WDR17: variants seen among roughly 807,000 people sequenced by gnomAD.
The protein encoded by WDR17 is WD repeat domain 17.
WDR17 carries 143 observed loss-of-function variants against 161.7 expected under a neutral mutation model. The observed-to-expected ratio is 0.88, with a 90% CI of 0.77 to 1.02. The LOEUF is 1.02. Ranked by LOEUF, WDR17 falls within the 50% of genes least tolerant of loss-of-function variation. The pLI is 0.00. For synonymous variants in WDR17, 517 were observed against 515.6 expected (o/e 1.00, Z -0.04); for missense variants, 1,469 against 1,520.9 (o/e 0.97, Z 0.57).
At chr4:176,116,646 A>C (rs1579091424) in intron 3 of WDR17, among the ~76,000 whole-genome samples, 1 of 151,862 alleles carries the variant, frequency 6.6e-6, no homozygotes, top group East Asian at 1.9e-4. Flanking sequence ...TATGTTTTTC[A>C]ATTCAGCTTC....
chr4:176,168,916 A>G (rs1002286597), intron 23 of WDR17, 133 bp downstream of exon 23: 6 of 929,388 alleles, frequency 6.5e-6, no homozygotes, highest in African/African-American at 5.0e-5. Flanking sequence ...AAGTACAACA[A>G]AAGTGTTGTA....
At chr4:176,087,489 A>C (rs1164281021) in intron 1 of WDR17, among the ~76,000 whole-genome samples, 4 of 152,086 alleles carry the variant, frequency 2.6e-5, no homozygotes, top group African/African-American at 9.7e-5. Context: ...TATCGCTTTA[A>C]CTTACCCTGC....
Position 176,135,753 on chromosome 4 carries a change from A to T in WDR17, c.1267+477A>T, listed in dbSNP as rs188654205. Among the ~76,000 whole-genome samples the T allele has an allele frequency of 9.4e-3, 1,428 of 151,674 alleles. 9 individuals are homozygous for T. The highest frequency in any genetic ancestry group is 0.016 in the Non-Finnish European group (1,113 of 67,532). Reference sequence around the variant, plus strand: ...TATCTCTGATCTTAGATGCCACCTTATACCTTGCTGTACATATAAAGGAGA... The same window carrying T: ...TATCTCTGATCTTAGATGCCACCTTTTACCTTGCTGTACATATAAAGGAGA... On this transcript the variant is annotated intron_variant, in intron 8 of 28. Coordinates refer to ENST00000508596, the MANE Select transcript of WDR17 (RefSeq NM_181265.4).
chr4:176,140,225 A>G (rs1745035832), intron 10 of WDR17, among the ~76,000 whole-genome samples: 2 of 152,114 alleles, frequency 1.3e-5, no homozygotes, highest in South Asian at 2.1e-4. Context: ...TACTTGAATT[A>G]TTATGAAAAG....
At position 176,130,762 on chromosome 4, in the gene WDR17, A is replaced by AT. The variant is rs1408974042; in HGVS notation, c.914-792_914-791insT. ...TCCGTCTCAAAAAAAAAAAAAAAAA[A>AT]ACTGAGAAATATTTTCCATATTCCA... On this transcript the variant is annotated intron_variant, in intron 6 of 28. Coordinates refer to ENST00000508596, the MANE Select transcript of WDR17 (RefSeq NM_181265.4). Among the ~76,000 whole-genome samples the AT allele has an allele frequency of 4.8e-3, 717 of 150,904 alleles. 7 individuals are homozygous for AT. Among genetic ancestry groups the AT allele is most frequent in the African/African-American group, 0.015 (607 of 41,072 alleles).
At chr4:176,164,111 T>C (rs890803055) in intron 22 of WDR17, among the ~76,000 whole-genome samples, 2 of 152,128 alleles carry the variant, frequency 1.3e-5, no homozygotes, top group Non-Finnish European at 2.9e-5. Flanking sequence ...ATGATAATAA[T>C]AAATACTAAT....
intron 7 of WDR17, among the ~76,000 whole-genome samples, 192 bp from the exon 8 acceptor site, chr4:176,134,916 T>C (rs1202527211): frequency 3.3e-5 from 5 of 151,692 alleles, no homozygotes; most frequent in Non-Finnish European, 7.4e-5. Flanking sequence ...CTGTACAAAA[T>C]AATACAGTAA....
At chr4:176,068,786 A>G (rs867979713) in intron 1 of WDR17, among the ~76,000 whole-genome samples, 16 of 152,284 alleles carry the variant, frequency 1.1e-4, no homozygotes, top group African/African-American at 3.6e-4. Context: ...TTGTTGATAA[A>G]ACTATTCCTT....
intron 8 of WDR17, among the ~76,000 whole-genome samples, chr4:176,136,944 A>G (rs1337556338): frequency 2.0e-5 from 3 of 151,572 alleles, no homozygotes; most frequent in Non-Finnish European, 4.4e-5. Context: ...AAAGGCACTT[A>G]TTTAAATCCT....
At chr4:176,104,610 G>A (rs1017815976) in intron 1 of WDR17, among the ~76,000 whole-genome samples, 5 of 151,968 alleles carry the variant, frequency 3.3e-5, no homozygotes, top group Admixed American at 3.3e-4. Flanking sequence ...TGGGGTTGGA[G>A]TTTTAAAGAA....
chr4:176,177,489 G>A lies in WDR17; in HGVS notation c.3567G>A (p.Pro1189=), dbSNP rs573682697. The change falls in exon 28 of 29, where the codon CCG becomes CCA. Residue 1189 remains proline, a synonymous_variant. Transcript: ENST00000508596. ...AATATAGATCATTAGAAGACTCTCC[G>A]TATACACCCCCTTCTGATTCACAAA... ...QSTNRSLEDS[P]YTPPSDSQRM... is the part of the protein sequence containing the mutation. 45 of 1,570,972 alleles carry A rather than the reference G, an allele frequency of 2.9e-5. No individual in the cohort carries two copies. The Admixed American group carries it at 5.0e-4, about 17-fold the overall frequency.
intron 1 of WDR17, among the ~76,000 whole-genome samples, chr4:176,070,587 C>T (rs1342998061): frequency 5.3e-5 from 8 of 151,908 alleles, no homozygotes; most frequent in South Asian, 2.1e-4. Context: ...GATCATGGCT[C>T]ACTGCAGCCT....
chr4:176,118,816 C>T (rs1003687855), intron 3 of WDR17, among the ~76,000 whole-genome samples: 2 of 151,214 alleles, frequency 1.3e-5, no homozygotes, highest in African/African-American at 4.9e-5. Context: ...AAAAAATTAA[C>T]CGGGCATGGT....
chr4:176,126,357 C>A (rs1414937502), intron 5 of WDR17, among the ~76,000 whole-genome samples: 1 of 150,156 alleles, frequency 6.7e-6, no homozygotes, highest in Non-Finnish European at 1.5e-5. Flanking sequence ...GAGAGAGAGA[C>A]CTCTGAAAGA....
chr4:176,095,919 T>C (rs1002932966), intron 1 of WDR17, among the ~76,000 whole-genome samples: 6 of 152,134 alleles, frequency 3.9e-5, no homozygotes, highest in African/African-American at 9.7e-5. Flanking sequence ...ATTACATTCA[T>C]GTGGTTTTGA....
intron 17 of WDR17, among the ~76,000 whole-genome samples, chr4:176,155,545 G>GTTTTCTTTTTTTT: frequency 9.5e-6 from 1 of 105,248 alleles, no homozygotes; most frequent in Non-Finnish European, 1.9e-5. Flanking sequence ...ATTTGTTTGT[G>GTTTTCTTTTTTTT]TTTTTTTTTT....
intron 1 of WDR17, among the ~76,000 whole-genome samples, chr4:176,066,283 T>TA (rs1732516877): frequency 6.6e-6 from 1 of 152,210 alleles, no homozygotes; most frequent in Non-Finnish European, 1.5e-5. Flanking sequence ...ACCTGATTCT[T>TA]ACAAGGCACA....
chr4:176,162,031 G>T (rs756376085), intron 20 of WDR17, 44 bp from the exon 21 acceptor site: 3 of 1,477,454 alleles, frequency 2.0e-6, no homozygotes, highest in Non-Finnish European at 9.2e-7. Flanking sequence ...CTTTTATAAT[G>T]GAATACTTGT....
At chr4:176,149,665 C>A (rs1232860241) in intron 13 of WDR17, 142 bp from the exon 14 acceptor site, 6 of 829,574 alleles carry the variant, frequency 7.2e-6, no homozygotes, top group Non-Finnish European at 1.1e-5. Context: ...ATATTAAATG[C>A]AGATAGGTTG....
Sources: gnomAD v4.1 joint callset for allele counts (sites outside exome capture counted in the v4.1 genomes callset) on GRCh38, gnomAD v4.1.1 for gene constraint, MANE v1.5 for transcripts, NCBI Gene and HGNC (gene_info 2026-07-23, HGNC 2026-07-21) for gene names.